SNX14: variants seen among roughly 807,000 people sequenced by gnomAD.
The protein encoded by SNX14 is sorting nexin 14.
In SNX14, 93 loss-of-function variants were observed where a neutral mutation model predicts 133.8. That is an observed-to-expected ratio of 0.70 (90% confidence interval 0.59 to 0.83). SNX14 has a LOEUF of 0.83. Ranked by LOEUF, SNX14 falls within the 40% of genes least tolerant of loss-of-function variation. The probability of loss-of-function intolerance (pLI) is 0.00; values close to 1 mark genes in which losing one functional copy is unlikely to be tolerated. For missense variants in SNX14, 945 were observed against 1,094.9 expected (o/e 0.86, Z 1.93); for synonymous variants, 368 against 365.6 (o/e 1.01, Z -0.07).
intron 20 of SNX14, among the ~76,000 whole-genome samples, 193 bp from the exon 21 acceptor site, chr6:85,526,430 A>G (rs1364387301): frequency 2.0e-5 from 3 of 152,194 alleles, no homozygotes; most frequent in Non-Finnish European, 2.9e-5. Context: ...TCAGATATGA[A>G]TGGGTTCGAA....
intron 12 of SNX14, among the ~76,000 whole-genome samples, chr6:85,544,409 A>G (rs1784841688): frequency 6.6e-6 from 1 of 152,234 alleles, no homozygotes; most frequent in Non-Finnish European, 1.5e-5. Flanking sequence ...ACAGAATATA[A>G]TTGCCATTCC....
chr6:85,563,364 T>C (rs1005383698), intron 6 of SNX14, among the ~76,000 whole-genome samples: 1 of 152,182 alleles, frequency 6.6e-6, no homozygotes, highest in African/African-American at 2.4e-5. Flanking sequence ...GATACAAATA[T>C]GCACAAAATA....
intron 4 of SNX14, among the ~76,000 whole-genome samples, chr6:85,571,134 C>T (rs913982521): frequency 6.6e-6 from 1 of 151,844 alleles, no homozygotes; most frequent in Non-Finnish European, 1.5e-5. Flanking sequence ...GGGTGGATCA[C>T]GAGGTCAGGA....
At chr6:85,593,440 C>T in intron 1 of SNX14, 139 bp downstream of exon 1, 1 of 1,323,384 alleles carries the variant, frequency 7.6e-7, no homozygotes, top group Non-Finnish European at 1.0e-6. Flanking sequence ...CTCCCCGAGG[C>T]CGCTCCTCTG....
intron 5 of SNX14, 39 bp downstream of exon 5, chr6:85,567,495 C>T (rs201228842): frequency 1.3e-4 from 181 of 1,389,648 alleles, no homozygotes; most frequent in Non-Finnish European, 1.7e-4. Flanking sequence ...ATAGTATTCA[C>T]TGTATCACAG....
intron 28 of SNX14, among the ~76,000 whole-genome samples, chr6:85,506,918 C>T (rs1045124936): frequency 2.0e-5 from 3 of 152,098 alleles, no homozygotes; most frequent in African/African-American, 4.8e-5. Flanking sequence ...ATGGTGCAGA[C>T]GATAACACTG....
chr6:85,583,616 C>T (rs895511507), intron 1 of SNX14, among the ~76,000 whole-genome samples: 3 of 151,566 alleles, frequency 2.0e-5, no homozygotes, highest in African/African-American at 7.3e-5. Flanking sequence ...AACAGACTAA[C>T]AGTCAAATCA....
rs1771397604 is a variant in SNX14 at position 85,508,147 on chromosome 6, T to C, written c.2654-88A>G. On this transcript the variant is annotated intron_variant, in intron 26 of 28. Transcript: ENST00000314673. ...TCATAAAGCAAAATCACCACCCTGT[T>C]TCCCAGATACTAGGCAAAAACTGCA... The C allele has an allele frequency of 3.3e-5, 49 of 1,493,066 alleles. No homozygotes were observed. The South Asian group carries it at 6.2e-4, about 19-fold the overall frequency. The allele number at this position is 1,493,066 out of a possible 1,614,324, so 92.5% of individuals were successfully genotyped here. A position where few individuals can be genotyped will look rare whatever the true frequency, so the allele number is the denominator to read the frequency against.
At chr6:85,549,993 T>A (rs1787165653) in intron 7 of SNX14, 114 bp from the exon 8 acceptor site, 6 of 889,334 alleles carry the variant, frequency 6.7e-6, no homozygotes, top group Non-Finnish European at 9.9e-6. Flanking sequence ...ATGCCTGTAA[T>A]CCCAGCATTT....
chr6:85,506,131 T>C, intron 28 of SNX14, 126 bp from the exon 29 acceptor site: 1 of 661,768 alleles, frequency 1.5e-6, no homozygotes, highest in African/African-American at 1.8e-5. Context: ...ATAAATTGGC[T>C]GGCATATGGA....
At chr6:85,562,896 T>A (rs1253340302) in intron 6 of SNX14, among the ~76,000 whole-genome samples, 1 of 152,128 alleles carries the variant, frequency 6.6e-6, no homozygotes, top group African/African-American at 2.4e-5. Context: ...GAGTATAGAT[T>A]TTTTTAAGTC....
intron 7 of SNX14, among the ~76,000 whole-genome samples, chr6:85,553,193 G>A (rs2128119835): frequency 6.6e-6 from 1 of 152,304 alleles, no homozygotes; most frequent in Admixed American, 6.5e-5. Context: ...CACTGGGCAA[G>A]CAGACCCGAG....
In SNX14 at chr6:85,549,726, C is replaced by A; in HGVS notation, c.788G>T (p.Cys263Phe). Residue 263 changes from cysteine to phenylalanine, a missense_variant, in exon 8 of 29, where the codon TGC becomes TTC. Physicochemically the swap from Cys to Phe is radical, Grantham distance 205. This residue lies in a region of SNX14 where 514 missense variants were observed against 538.8 expected (regional missense o/e 0.95). Transcript: ENST00000314673. ...PYILPPKATDCRSLTLLIREI... is the reference protein window; with the variant it reads ...PYILPPKATDFRSLTLLIREI... ...ATATTGTCTAGTCTTTTTATACCTGCAGTCTGTTGCTTTAGGAGGCAAAAT... is the reference window on the plus strand; with the variant it reads ...ATATTGTCTAGTCTTTTTATACCTGAAGTCTGTTGCTTTAGGAGGCAAAAT... 1.2e-6 allele frequency: 2 copies of A among 1,611,160 alleles called. No homozygotes were observed. Among genetic ancestry groups the A allele is most frequent in the Non-Finnish European group, 1.7e-6 (2 of 1,179,082 alleles).
At chr6:85,585,982 C>T (rs537393775) in intron 1 of SNX14, among the ~76,000 whole-genome samples, 10 of 148,300 alleles carry the variant, frequency 6.7e-5, no homozygotes, top group South Asian at 4.3e-4. Flanking sequence ...CACCACTCCC[C>T]GCAACAGGAA....
chr6:85,509,652 C>T (rs529670284), intron 26 of SNX14, among the ~76,000 whole-genome samples: 2 of 152,190 alleles, frequency 1.3e-5, no homozygotes, highest in Non-Finnish European at 2.9e-5. Context: ...TTTGTTACAA[C>T]TGATAACACA....
At chr6:85,521,006 A>AT (rs1562215661) in intron 21 of SNX14, among the ~76,000 whole-genome samples, 1 of 152,160 alleles carries the variant, frequency 6.6e-6, no homozygotes, top group African/African-American at 2.4e-5. Flanking sequence ...ATACCAAACA[A>AT]TTTTTCCAAG....
At chr6:85,519,930 C>A (rs1179527513) in intron 21 of SNX14, among the ~76,000 whole-genome samples, 1 of 151,834 alleles carries the variant, frequency 6.6e-6, no homozygotes, top group Non-Finnish European at 1.5e-5. Flanking sequence ...CCAGCCTAGG[C>A]AATAGTGTGA....
chr6:85,516,822 GAGGC>G (rs1301134778), intron 23 of SNX14, among the ~76,000 whole-genome samples: 2 of 151,974 alleles, frequency 1.3e-5, no homozygotes, highest in African/African-American at 4.8e-5. Flanking sequence ...ATTTTCAGTA[GAGGC>G]AGGGTTTCAC....
intron 21 of SNX14, among the ~76,000 whole-genome samples, chr6:85,522,724 C>T (rs1777288542): frequency 6.6e-6 from 1 of 152,172 alleles, no homozygotes; most frequent in Admixed American, 6.5e-5. Context: ...ATCAGTGTCT[C>T]TTTCCCCCTG....
Sources: gnomAD v4.1 joint callset for allele counts (sites outside exome capture counted in the v4.1 genomes callset) on GRCh38, gnomAD v4.1.1 for gene constraint, gnomAD v4.1.1 regional missense constraint, MANE v1.5 for transcripts, NCBI Gene and HGNC (gene_info 2026-07-23, HGNC 2026-07-21) for gene names.